PMP22: variants seen among roughly 807,000 people sequenced by gnomAD.
The protein encoded by PMP22 is peripheral myelin protein 22, also known as Charcot-Marie-Tooth neuropathy 1A (greatly reduced nerve conduction velocity, hereditary motor sensory neuropathy Ia).
In PMP22, 2 loss-of-function variants were observed where a neutral mutation model predicts 18.9. The ratio of observed to expected loss-of-function variants is 0.11; its 90% CI spans 0.04 to 0.33. The LOEUF is 0.33. PMP22 is among the 10% of genes least tolerant of loss of function. The pLI is 1.00. For synonymous variants in PMP22, 95 were observed against 89.2 expected, an observed-to-expected ratio of 1.07 and a Z score of -0.37; for missense variants, 169 against 202.2, an observed-to-expected ratio of 0.84 and a Z score of 1.00.
intron 4 of PMP22, among the ~76,000 whole-genome samples, chr17:15,231,763 C>T (rs1906376695): frequency 6.6e-6 from 1 of 152,200 alleles, no homozygotes; most frequent in Admixed American, 6.5e-5. Context: ...AGCTCCATTT[C>T]CCTGGGTGCC....
chr17:15,248,104 C>T (rs1907990885), intron 3 of PMP22, among the ~76,000 whole-genome samples: 1 of 152,244 alleles, frequency 6.6e-6, no homozygotes, highest in Admixed American at 6.5e-5. Flanking sequence ...CCAGCTCAAA[C>T]ATGCCCAAAG....
intron 1 of PMP22, among the ~76,000 whole-genome samples, chr17:15,263,037 C>T (rs116992388): frequency 0.014 from 2,125 of 152,334 alleles, 14 homozygotes; most frequent in Non-Finnish European, 0.02. Context: ...GAGCCCCTGC[C>T]CTGTCCTGGC....
chr17:15,240,269 T>A (rs1009726028), intron 3 of PMP22, among the ~76,000 whole-genome samples: 3 of 152,074 alleles, frequency 2.0e-5, no homozygotes, highest in African/African-American at 7.2e-5. Context: ...ATTATCTGCA[T>A]TCCCCAAGGA....
At position 15,245,781 on chromosome 17, in the gene PMP22, C is replaced by T. The variant is rs372389084; in HGVS notation, c.179-6170G>A. Among the ~76,000 whole-genome samples, 12 of 151,758 alleles carry T rather than the reference C, an allele frequency of 7.9e-5. No individual in the cohort carries two copies. In the East Asian group the frequency reaches 2.2e-3, roughly 27 times the overall value. On this transcript the variant is annotated intron_variant, in intron 3 of 4. Coordinates refer to ENST00000312280, the MANE Select transcript of PMP22 (RefSeq NM_000304.4). ...CCAGCACTTGGGAGGCCCAGGAGGG[C>T]AGATCACGAGGTCAGGAGATCGAGA...
At chr17:15,259,238 G>C in intron 2 of PMP22, 45 bp from the exon 3 acceptor site, 1 of 1,483,816 alleles carries the variant, frequency 6.7e-7, no homozygotes. Flanking sequence ...AGGGAGGGAG[G>C]AGTGAAGGAA....
intron 3 of PMP22, among the ~76,000 whole-genome samples, chr17:15,254,553 G>C (rs975582581): frequency 2.6e-5 from 4 of 152,236 alleles, no homozygotes; most frequent in African/African-American, 9.6e-5. Context: ...GATAAGGACT[G>C]TCTCTGGCCT....
intron 3 of PMP22, among the ~76,000 whole-genome samples, chr17:15,243,249 A>T (rs1907506174): frequency 6.6e-6 from 1 of 152,190 alleles, no homozygotes; most frequent in African/African-American, 2.4e-5. Flanking sequence ...GGGATACATC[A>T]ACAAGTTAGA....
intron 4 of PMP22, among the ~76,000 whole-genome samples, chr17:15,237,768 A>C (rs567875299): frequency 1.3e-5 from 2 of 152,328 alleles, no homozygotes; most frequent in Admixed American, 1.3e-4. Context: ...TGTACAAATA[A>C]AATGTAATTT....
Position 15,231,228 on chromosome 17 carries a change from A to G in PMP22, c.320-148T>C, listed in dbSNP as rs796522101. The stretch of plus-strand genomic sequence containing the variant: ...TGCTTCCAGGTCCAGAATTGAAAGG[A>G]GGTAGCACAAAAATATGGGAACAAG... On this transcript the variant is annotated intron_variant, in intron 4 of 4. Transcript: ENST00000312280. The G allele has an allele frequency of 7.4e-6, 6 of 806,012 alleles. No homozygotes were observed. In the African/African-American group the frequency reaches 1.0e-4, roughly 14 times the overall value. 49.9% of individuals were successfully genotyped at this position (806,012 alleles called of 1,614,324 possible).
rs1302116271 is a variant in PMP22 at position 15,258,214 on chromosome 17, G to A, written c.178+880C>T. Among the ~76,000 whole-genome samples the A allele has an allele frequency of 6.6e-6, 1 of 152,180 alleles. No individual in the cohort carries two copies. The highest frequency in any genetic ancestry group is 1.5e-5 in the Non-Finnish European group (1 of 68,036). ...CTGTATCTCTAGGTCCTTCCAGCCT[G>A]AGGACACATCTTCTGGAACAAAAGA... On this transcript the variant is annotated intron_variant, in intron 3 of 4. Coordinates refer to ENST00000312280, the MANE Select transcript of PMP22 (RefSeq NM_000304.4). This position sits in a 1 kb window ranked among gnomAD's most constrained non-coding sequence, Gnocchi z 4.1.
At chr17:15,248,928 C>A (rs539631760) in intron 3 of PMP22, among the ~76,000 whole-genome samples, 1 of 152,200 alleles carries the variant, frequency 6.6e-6, no homozygotes, top group Admixed American at 6.5e-5. Flanking sequence ...GTTGCAATTG[C>A]AGTCATGAAC....
At chr17:15,256,224 T>A (rs1908814309) in intron 3 of PMP22, among the ~76,000 whole-genome samples, 1 of 152,180 alleles carries the variant, frequency 6.6e-6, no homozygotes, top group Non-Finnish European at 1.5e-5. Flanking sequence ...ACAACCTAGA[T>A]GTTAGACTGC....
chr17:15,263,575 A>AGG (rs1555569254), intron 1 of PMP22, among the ~76,000 whole-genome samples: 42 of 105,806 alleles, frequency 4.0e-4, no homozygotes, highest in African/African-American at 1.7e-3. Context: ...CAGTTCACGC[A>AGG]CGCGCGCGCA....
Position 15,231,019 on chromosome 17 carries a change from G to A in PMP22, c.381C>T (p.Asn127=), listed in dbSNP as rs369477577. 3.7e-5 allele frequency: 59 copies of A among 1,614,022 alleles called. No individual in the cohort carries two copies. The highest frequency in any genetic ancestry group is 4.2e-5 in the Non-Finnish European group (49 of 1,180,014). The change falls in exon 5 of 5, where the codon AAC becomes AAT. Residue 127 remains asparagine, a synonymous_variant. Coordinates refer to ENST00000312280, the MANE Select transcript of PMP22 (RefSeq NM_000304.4). The stretch of plus-strand genomic sequence containing the variant: ...AGGCGAAACCGTAGGAGTAATCCGA[G>A]TTGAGATGCCACTCCGGGTGCCTCA... ...YTVRHPEWHL[N]SDYSYGFAYI... is the part of the protein sequence containing the mutation.
chr17:15,264,257 T>G (rs796605468), intron 1 of PMP22, among the ~76,000 whole-genome samples: 5 of 147,800 alleles, frequency 3.4e-5, no homozygotes, highest in Non-Finnish European at 6.0e-5. Context: ...TAGATAGATA[T>G]AGATAGATAG....
At chr17:15,256,673 TAAC>T (rs1488912302) in intron 3 of PMP22, among the ~76,000 whole-genome samples, 1 of 152,088 alleles carries the variant, frequency 6.6e-6, no homozygotes, top group East Asian at 1.9e-4. Context: ...TTTGATTACT[TAAC>T]AAGTATTTTT....
At chr17:15,260,911 C>A (rs1417481524) in intron 1 of PMP22, 150 bp from the exon 2 acceptor site, 4 of 432,584 alleles carry the variant, frequency 9.2e-6, no homozygotes, top group East Asian at 4.2e-5. Context: ...GCCTTCGCGC[C>A]GCCTGCCGCC....
chr17:15,264,813 C>T (rs928762244), intron 1 of PMP22, among the ~76,000 whole-genome samples: 6 of 152,170 alleles, frequency 3.9e-5, no homozygotes, highest in African/African-American at 1.2e-4. Flanking sequence ...CAGGTGGCAG[C>T]TTCTCCCTAA....
chr17:15,249,737 G>A (rs999391656), intron 3 of PMP22, among the ~76,000 whole-genome samples: 2 of 152,228 alleles, frequency 1.3e-5, no homozygotes, highest in Admixed American at 1.3e-4. Context: ...TGTTTGAAGA[G>A]TCATCGTGTA....
Sources: gnomAD v4.1 joint callset for allele counts (sites outside exome capture counted in the v4.1 genomes callset) on GRCh38, gnomAD v4.1.1 for gene constraint, Gnocchi (gnomAD v3.1) non-coding constraint, MANE v1.5 for transcripts, NCBI Gene and HGNC (gene_info 2026-07-23, HGNC 2026-07-21) for gene names.